The following ADGRA2 variants were observed in gnomAD, a reference collection of about 807,000 sequenced individuals.
The protein encoded by ADGRA2 is adhesion G protein-coupled receptor A2.
A neutral mutation model predicts 98.7 loss-of-function variants in ADGRA2; 61 were observed. The ratio of observed to expected loss-of-function variants is 0.62; its 90% CI spans 0.50 to 0.76. The LOEUF (loss-of-function observed/expected upper bound fraction) is 0.76, where lower values mean the gene tolerates loss of function less well. Among genes scored for constraint, ADGRA2 ranks in the 30% least tolerant of loss-of-function variants. ADGRA2 has a pLI of 0.00. For synonymous variants in ADGRA2, 858 were observed against 831.5 expected (o/e 1.03, Z -0.55); for missense variants, 1,712 against 1,860.0 (o/e 0.92, Z 1.46).
Position 37,838,983 on chromosome 8 carries a change from G to A in ADGRA2, c.2287G>A (p.Gly763Arg), listed in dbSNP as rs768275803. 17 of 1,576,742 alleles carry A rather than the reference G, an allele frequency of 1.1e-5. No individual in the cohort carries two copies. In the East Asian group the frequency reaches 3.6e-4, roughly 33 times the overall value. Residue 763 changes from glycine (G) to arginine (R), a missense_variant, in exon 15 of 19, where the codon GGG becomes AGG. Physicochemically the swap from Gly to Arg is moderately radical, Grantham distance 125 (BLOSUM62 -2). Coordinates refer to ENST00000412232, the MANE Select transcript of ADGRA2 (RefSeq NM_032777.10). ...MELSAFPREV[G>R]GAGAGLHPVV... ...GCTGAGCGCCTTTCCCAGGGAGGTG[G>A]GGGGCGCCGGGGCAGGGCTGCACCC...
Position 37,831,596 on chromosome 8 carries a change from C to G in ADGRA2, c.1097+9C>G, listed in dbSNP as rs1356654263. The G allele has an allele frequency of 3.7e-6, 6 of 1,613,042 alleles. No individual in the cohort carries two copies. ...AACCGCGGGGACTTCAGGTTTGGCCCACTCCACCCTGTAGAGGGCTGCCCA... is the reference window on the plus strand; with the variant it reads ...AACCGCGGGGACTTCAGGTTTGGCCGACTCCACCCTGTAGAGGGCTGCCCA... On this transcript the variant is annotated intron_variant, in intron 8 of 18. Coordinates refer to ENST00000412232, the MANE Select transcript of ADGRA2 (RefSeq NM_032777.10).
chr8:37,842,126 T>A lies in ADGRA2; in HGVS notation c.3788T>A (p.Leu1263His). 1 of 1,497,022 alleles carries A rather than the reference T, an allele frequency of 6.7e-7. No individual in the cohort carries two copies. The highest frequency in any genetic ancestry group is 8.8e-7 in the Non-Finnish European group (1 of 1,131,118). 92.7% of individuals were successfully genotyped at this position (1,497,022 alleles called of 1,614,324 possible). A position where few individuals can be genotyped will look rare whatever the true frequency, so the allele number is the denominator to read the frequency against. ...SEGSDTSAAP[L>H]SEAGRAGQRR... ...GGCAGCGACACCAGCGCCGCGCCGC[T>A]TTCTGAGGCGGGCCGGGCAGGCCAG... Residue 1263 changes from leucine to histidine, a missense_variant, in exon 19 of 19, where the codon CTT becomes CAT. By Grantham distance (99) the Leu-to-His change is moderately conservative. Transcript: ENST00000412232.
At chr8:37,812,159 T>G (rs891835562) in intron 1 of ADGRA2, among the ~76,000 whole-genome samples, 53 of 133,156 alleles carry the variant, frequency 4.0e-4, no homozygotes, top group Middle Eastern at 3.6e-3. Flanking sequence ...AATGGTGTTG[T>G]TGTTGTTGTT....
rs142623497 is a variant in ADGRA2, at chr8:37,839,546, G to A, written c.2435G>A (p.Cys812Tyr). 4.2e-5 allele frequency: 68 copies of A among 1,614,076 alleles called. No homozygotes were observed. Among genetic ancestry groups the A allele is most frequent in the Non-Finnish European group, 5.2e-5 (61 of 1,180,050 alleles). Residue 812 changes from cysteine to tyrosine, a missense_variant, in exon 16 of 19, where the codon TGC becomes TAC. By Grantham distance (194) the Cys-to-Tyr change is radical. Coordinates refer to ENST00000412232, the MANE Select transcript of ADGRA2 (RefSeq NM_032777.10). ...RKGWHMLLNLCFHIAMTSAVF... is the reference protein window; with the variant it reads ...RKGWHMLLNLYFHIAMTSAVF... The stretch of plus-strand genomic sequence containing the variant: ...GGCTGGCACATGCTGCTGAACTTGT[G>A]CTTCCACATAGCCATGACCTCTGCT...
Position 37,844,447 on chromosome 8 carries a change from T to C in ADGRA2, c.*2092T>C, listed in dbSNP as rs2130084457. On this transcript the variant is annotated 3_prime_UTR_variant, in exon 19 of 19. Coordinates refer to ENST00000412232, the MANE Select transcript of ADGRA2 (RefSeq NM_032777.10). ...ATCCTTGGTTATAACAGGAATGTTA[T>C]CAAGCTGTCAGAACAGGATGAAGTG... 6.3e-7 allele frequency: 1 copy of C among 1,592,168 alleles called. No homozygotes were observed. Among genetic ancestry groups the C allele is most frequent in the South Asian group, 1.1e-5 (1 of 88,208 alleles).
Position 37,836,038 on chromosome 8 carries a change from A to AACACAC in ADGRA2, c.2050+323_2050+328dup, listed in dbSNP as rs58082798. 8.3e-3 allele frequency among the ~76,000 whole-genome samples: 1,037 copies of AACACAC among 124,552 alleles called. 13 individuals carry two copies. Among genetic ancestry groups the AACACAC allele is most frequent in the Middle Eastern group, 0.022 (5 of 226 alleles). The allele number at this position is 124,552 out of a possible 152,430, so 81.7% of individuals were successfully genotyped here. A position where few individuals can be genotyped will look rare whatever the true frequency, so the allele number is the denominator to read the frequency against. The stretch of plus-strand genomic sequence containing the variant: ...GAGGGCTATGAGCATAGCCCCCTCC[A>AACACAC]ACACACACACACACACACACACACA... On this transcript the variant is annotated intron_variant, in intron 13 of 18. Transcript: ENST00000412232.
Position 37,844,346 on chromosome 8 carries a change from G to A in ADGRA2, c.*1991G>A. 1 of 1,051,448 alleles carries A rather than the reference G, an allele frequency of 9.5e-7. No individual in the cohort carries two copies. The highest frequency in any genetic ancestry group is 1.6e-5 in the South Asian group (1 of 63,254). 65.1% of individuals were successfully genotyped at this position (1,051,448 alleles called of 1,614,324 possible). A position where few individuals can be genotyped will look rare whatever the true frequency, so the allele number is the denominator to read the frequency against. ...CTCCTGACTTTACTCCAGGACCCAG[G>A]GTCCAACTAATGGCAGAGCCCCTCT... On this transcript the variant is annotated 3_prime_UTR_variant, in exon 19 of 19. Coordinates refer to ENST00000412232, the MANE Select transcript of ADGRA2 (RefSeq NM_032777.10).
chr8:37,801,435 T>C (rs1166226079), intron 1 of ADGRA2, among the ~76,000 whole-genome samples: 4 of 151,892 alleles, frequency 2.6e-5, no homozygotes, highest in African/African-American at 9.7e-5. Flanking sequence ...AACCTGGGTG[T>C]GGGAGGAAGG....
intron 1 of ADGRA2, among the ~76,000 whole-genome samples, chr8:37,812,153 GTGT>G (rs36232957): frequency 0.13 from 18,199 of 142,086 alleles, 1,603 homozygotes; most frequent in African/African-American, 0.26. Flanking sequence ...ACTTGCAATG[GTGT>G]TGTTGTTGTT....
chr8:37,805,455 C>T (rs980847439), intron 1 of ADGRA2, among the ~76,000 whole-genome samples: 2 of 152,134 alleles, frequency 1.3e-5, no homozygotes, highest in Non-Finnish European at 2.9e-5. Flanking sequence ...AAGAGGTCTG[C>T]GCCGCGTGTG....
intron 1 of ADGRA2, among the ~76,000 whole-genome samples, chr8:37,805,742 G>A (rs1044035100): frequency 3.3e-5 from 5 of 151,744 alleles, no homozygotes; most frequent in Admixed American, 2.0e-4. Context: ...AGTGGTGCGC[G>A]CCTGTAATCC....
chr8:37,813,167 G>T (rs1270855976), intron 1 of ADGRA2, among the ~76,000 whole-genome samples: 2 of 152,172 alleles, frequency 1.3e-5, no homozygotes, highest in East Asian at 3.9e-4. Flanking sequence ...GAGTGAGGCT[G>T]CAGTGAGCTC....
chr8:37,840,316 G>T, intron 17 of ADGRA2, 50 bp downstream of exon 17: 1 of 1,592,036 alleles, frequency 6.3e-7, no homozygotes, highest in East Asian at 2.2e-5. Context: ...CTCCAACGCA[G>T]GCGTAGGAAA....
Position 37,841,398 on chromosome 8 carries a change from G to A in ADGRA2, c.3060G>A (p.Gly1020=). ...TCTATTCTCCGGGAGTCCAGCTAGG[G>A]GCGCTGGTGACCACGCACTTCCTGT... is the stretch of plus-strand genomic sequence containing the variant. ...DSLYSPGVQL[G]ALVTTHFLYL... The change falls in exon 19 of 19, where the codon GGG becomes GGA. Residue 1020 remains glycine, a synonymous_variant. Transcript: ENST00000412232. The surrounding 1 kb of genome is among the most constrained non-coding windows in gnomAD (Gnocchi z 5.0). 6.2e-7 allele frequency: 1 copy of A among 1,612,412 alleles called. No homozygotes were observed. Among genetic ancestry groups the A allele is most frequent in the Non-Finnish European group, 8.5e-7 (1 of 1,179,584 alleles).
chr8:37,803,134 G>A (rs1804556532), intron 1 of ADGRA2, among the ~76,000 whole-genome samples: 1 of 152,212 alleles, frequency 6.6e-6, no homozygotes, highest in Non-Finnish European at 1.5e-5. Flanking sequence ...CTTCAATGCG[G>A]GTCATGTTTT....
chr8:37,802,089 C>T lies in ADGRA2; in HGVS notation c.266+4555C>T, dbSNP rs996803982. ...GCCTAGCACGGGCTGGGTTCTTCTG[C>T]TGGGATTTCAGTGGTCTTTGTAGGG... On this transcript the variant is annotated intron_variant, in intron 1 of 18. Transcript: ENST00000412232. The surrounding 1 kb of genome is among the most constrained non-coding windows in gnomAD (Gnocchi z 4.7). 1.3e-5 allele frequency among the ~76,000 whole-genome samples: 2 copies of T among 152,230 alleles called. No homozygotes were observed. The highest frequency in any genetic ancestry group is 4.8e-5 in the African/African-American group (2 of 41,462).
Position 37,834,867 on chromosome 8 carries a change from A to G in ADGRA2, c.1609-307A>G, listed in dbSNP as rs180680776. The stretch of plus-strand genomic sequence containing the variant: ...CATGGTGAAACCCCATCTCTAAAAA[A>G]AAGTTTTTAATTAGATGGGCATGGT... On this transcript the variant is annotated intron_variant, in intron 11 of 18. Transcript: ENST00000412232. This position sits in a 1 kb window ranked among gnomAD's most constrained non-coding sequence, Gnocchi z 4.2. 3.5e-4 allele frequency among the ~76,000 whole-genome samples: 53 copies of G among 152,236 alleles called. No homozygotes were observed. The East Asian group carries it at 9.5e-3, about 27-fold the overall frequency.
At chr8:37,828,083 A>G (rs1281212258) in intron 2 of ADGRA2, among the ~76,000 whole-genome samples, 3 of 152,044 alleles carry the variant, frequency 2.0e-5, no homozygotes, top group Admixed American at 2.0e-4. Context: ...TTGAGGTTAC[A>G]ATGAGCCATG....
chr8:37,798,587 C>T (rs1804411880), intron 1 of ADGRA2, among the ~76,000 whole-genome samples: 1 of 152,244 alleles, frequency 6.6e-6, no homozygotes, highest in Non-Finnish European at 1.5e-5. Context: ...CCGCCGCTTC[C>T]TTTCCTGTCC....
Sources: gnomAD v4.1 joint callset for allele counts (sites outside exome capture counted in the v4.1 genomes callset) on GRCh38, gnomAD v4.1.1 for gene constraint, Gnocchi (gnomAD v3.1) non-coding constraint, MANE v1.5 for transcripts, NCBI Gene and HGNC (gene_info 2026-07-23, HGNC 2026-07-21) for gene names.